F13A1: variants seen among roughly 807,000 people sequenced by gnomAD.
The protein encoded by F13A1 is coagulation factor XIII A chain.
Under a neutral mutation model 80.1 loss-of-function variants are expected in F13A1, and 47 were observed. The observed-to-expected ratio is 0.59, with a 90% CI of 0.46 to 0.75. The LOEUF (loss-of-function observed/expected upper bound fraction) is 0.75. Ranked by LOEUF, F13A1 falls within the 30% of genes least tolerant of loss-of-function variation. The pLI is 0.00. For missense variants in F13A1, 817 were observed against 930.4 expected, an observed-to-expected ratio of 0.88 and a Z score of 1.59; for synonymous variants, 349 against 344.9, an observed-to-expected ratio of 1.01 and a Z score of -0.13.
chr6:6,163,732 G>T (rs575031903), intron 13 of F13A1, among the ~76,000 whole-genome samples: 1 of 152,316 alleles, frequency 6.6e-6, no homozygotes, highest in East Asian at 1.9e-4. Context: ...CATTTAGGTT[G>T]ATTCCATGTG....
intron 3 of F13A1, among the ~76,000 whole-genome samples, chr6:6,301,321 C>T (rs1007748442): frequency 1.3e-5 from 2 of 152,160 alleles, no homozygotes; most frequent in Admixed American, 6.5e-5. Context: ...GGTCCTTCCA[C>T]GCCCCTCGAA....
At chr6:6,281,252 G>A in intron 3 of F13A1, among the ~76,000 whole-genome samples, 1 of 152,088 alleles carries the variant, frequency 6.6e-6, no homozygotes, top group Non-Finnish European at 1.5e-5. Context: ...TGCCATAATA[G>A]AATTTCACTC....
At chr6:6,303,487 A>G (rs1023367315) in intron 3 of F13A1, among the ~76,000 whole-genome samples, 1 of 152,184 alleles carries the variant, frequency 6.6e-6, no homozygotes, top group African/African-American at 2.4e-5. Context: ...TACATTGTGG[A>G]TTGATTAATT....
intron 5 of F13A1, 48 bp from the exon 6 acceptor site, chr6:6,248,467 G>T: frequency 7.0e-7 from 1 of 1,436,410 alleles, no homozygotes; most frequent in Non-Finnish European, 9.7e-7. Flanking sequence ...CACTCTGCAA[G>T]CAAAATATTC....
intron 3 of F13A1, among the ~76,000 whole-genome samples, chr6:6,278,529 G>A (rs1040167748): frequency 6.6e-6 from 1 of 152,160 alleles, no homozygotes; most frequent in Non-Finnish European, 1.5e-5. Context: ...ATCTGAGCAG[G>A]GGAATTGGGG....
intron 13 of F13A1, among the ~76,000 whole-genome samples, chr6:6,164,253 A>G (rs114038799): frequency 0.014 from 2,147 of 152,316 alleles, 48 homozygotes; most frequent in African/African-American, 0.048. Context: ...GTAATACCGC[A>G]TGTTCTCACT....
intron 3 of F13A1, among the ~76,000 whole-genome samples, chr6:6,288,571 T>C (rs571895270): frequency 6.6e-6 from 1 of 152,306 alleles, no homozygotes; most frequent in East Asian, 1.9e-4. Flanking sequence ...ATTGGTTAGG[T>C]TGCTTTCATA....
At chr6:6,199,256 G>A (rs553195714) in intron 8 of F13A1, among the ~76,000 whole-genome samples, 16 of 152,268 alleles carry the variant, frequency 1.1e-4, no homozygotes, top group African/African-American at 3.4e-4. Context: ...TTGGGAGGCC[G>A]AGGCGGGCAG....
At position 6,187,328 on chromosome 6, in the gene F13A1, T is replaced by G. The variant is rs1226638924; in HGVS notation, c.1306-5187A>C. On this transcript the variant is annotated intron_variant, in intron 10 of 14. Transcript: ENST00000264870. ...TTTCAAAGGGAATGCTTCCAGTTTT[T>G]GCCCATTCAGTATGATATTGGCTGT... Among the ~76,000 whole-genome samples the G allele has an allele frequency of 3.3e-3, 270 of 80,912 alleles. 1 individual carries two copies. The highest frequency in any genetic ancestry group is 0.022 in the Middle Eastern group (4 of 184). The allele number at this position is 80,912 out of a possible 152,430, so 53.1% of individuals were successfully genotyped here. A position where few individuals can be genotyped will look rare whatever the true frequency, so the allele number is the denominator to read the frequency against.
intron 13 of F13A1, among the ~76,000 whole-genome samples, chr6:6,161,524 A>ATGTG (rs143895728): frequency 0.056 from 7,481 of 133,458 alleles, 252 homozygotes; most frequent in African/African-American, 0.083. Flanking sequence ...CAGAGAGAGG[A>ATGTG]TGTGTGTGTG....
rs778222128 is a variant in F13A1 at position 6,318,564 on chromosome 6, C to A, written c.101G>T (p.Gly34Val). 5.0e-6 allele frequency: 8 copies of A among 1,613,570 alleles called. No homozygotes were observed. Among genetic ancestry groups the A allele is most frequent in the Admixed American group, 1.7e-5 (1 of 59,946 alleles). ...EDDLPTVELQ[G>V]VVPRGVNLQE... ...CAGGTTGACGCCCCGGGGCACCACG[C>A]CCTGAAGCTCCACTGTGGGCAGGTC... The change falls in exon 2 of 15, where the codon GGC becomes GTC. Residue 34 changes from glycine (G) to valine (V), a missense_variant. Gly to Val is a moderately radical substitution (Grantham distance 109, BLOSUM62 -3). Transcript: ENST00000264870.
intron 8 of F13A1, among the ~76,000 whole-genome samples, chr6:6,210,348 T>TATATATATATATA (rs1420900272): frequency 2.7e-4 from 37 of 134,602 alleles, no homozygotes; most frequent in Non-Finnish European, 3.5e-4. Context: ...TATATATATA[T>TATATATATATATA]TTCTTTTTTT....
intron 8 of F13A1, among the ~76,000 whole-genome samples, chr6:6,220,284 C>A (rs1048205241): frequency 6.6e-6 from 1 of 152,148 alleles, no homozygotes; most frequent in African/African-American, 2.4e-5. Context: ...GAAGAACAGT[C>A]TCAGGGTGAT....
intron 11 of F13A1, 119 bp from the exon 12 acceptor site, chr6:6,174,986 C>A: frequency 8.1e-7 from 1 of 1,229,994 alleles, no homozygotes. Flanking sequence ...AAGCTTCAGA[C>A]CTCCCCAGGA....
In F13A1 at chr6:6,250,057, A is replaced by T. The variant is rs185322455; in HGVS notation, c.690+754T>A. ...CCTGTGACCACCAGATTCCATGAAA[A>T]CTCCCTGCTGGATGCCCAGCGCAAT... is the stretch of plus-strand genomic sequence containing the variant. On this transcript the variant is annotated intron_variant, in intron 5 of 14. Coordinates refer to ENST00000264870, the MANE Select transcript of F13A1 (RefSeq NM_000129.4). The surrounding 1 kb of genome is among the most constrained non-coding windows in gnomAD (Gnocchi z 4.2). Among the ~76,000 whole-genome samples the T allele has an allele frequency of 2.0e-5, 3 of 151,814 alleles. No homozygotes were observed. The highest frequency in any genetic ancestry group is 7.2e-5 in the African/African-American group (3 of 41,388).
At chr6:6,147,137 G>A (rs185632204) in intron 14 of F13A1, among the ~76,000 whole-genome samples, 3 of 152,132 alleles carry the variant, frequency 2.0e-5, no homozygotes, top group African/African-American at 7.2e-5. Context: ...GAACAATGAC[G>A]CAATGGTCTT....
rs568887889 is a variant in F13A1 at position 6,213,325 on chromosome 6, G to C, written c.1112+8708C>G. On this transcript the variant is annotated intron_variant, in intron 8 of 14. Coordinates refer to ENST00000264870, the MANE Select transcript of F13A1 (RefSeq NM_000129.4). ...AGGGAAGCCCATCAGACTAACAGCG[G>C]ATCTCTCGGCAGAAACTCTACAAGC... Among the ~76,000 whole-genome samples, 291 of 152,214 alleles carry C rather than the reference G, an allele frequency of 1.9e-3. 1 individual carries two copies. The highest frequency in any genetic ancestry group is 6.5e-3 in the African/African-American group (272 of 41,528).
intron 8 of F13A1, among the ~76,000 whole-genome samples, chr6:6,199,469 G>A (rs1761353474): frequency 6.6e-6 from 1 of 151,076 alleles, no homozygotes; most frequent in Non-Finnish European, 1.5e-5. Context: ...CTCCAGCCTG[G>A]TCGACAGAGC....
intron 3 of F13A1, among the ~76,000 whole-genome samples, chr6:6,280,093 A>G (rs889391921): frequency 6.6e-6 from 1 of 152,248 alleles, no homozygotes; most frequent in Non-Finnish European, 1.5e-5. Context: ...CATTCTAAGG[A>G]GTATGGTACA....
Sources: gnomAD v4.1 joint callset for allele counts (sites outside exome capture counted in the v4.1 genomes callset) on GRCh38, gnomAD v4.1.1 for gene constraint, Gnocchi (gnomAD v3.1) non-coding constraint, MANE v1.5 for transcripts, NCBI Gene and HGNC (gene_info 2026-07-23, HGNC 2026-07-21) for gene names.